PTPRG: variants seen among roughly 807,000 people sequenced by gnomAD.
PTPRG encodes protein tyrosine phosphatase receptor type G, also known as receptor-type tyrosine-protein phosphatase gamma.
PTPRG carries 102 observed loss-of-function variants against 165.3 expected under a neutral mutation model. The observed-to-expected ratio is 0.62, with a 90% CI of 0.53 to 0.73. PTPRG has a LOEUF of 0.73. Among genes scored for constraint, PTPRG ranks in the 30% least tolerant of loss-of-function variants. PTPRG has a pLI of 0.00. For synonymous variants in PTPRG, 675 were observed against 669.5 expected (o/e 1.01, Z -0.13); for missense variants, 1,866 against 1,861.4 (o/e 1.00, Z -0.05).
At chr3:61,883,141 C>G (rs1434857030) in intron 2 of PTPRG, among the ~76,000 whole-genome samples, 1 of 152,194 alleles carries the variant, frequency 6.6e-6, no homozygotes, top group African/African-American at 2.4e-5. Flanking sequence ...TCCTTGGGGA[C>G]TTTTTCCTTT....
In PTPRG at chr3:62,237,829, A is replaced by G. The variant is rs115955606; in HGVS notation, c.2376-5978A>G. Among the ~76,000 whole-genome samples, 2 of 152,190 alleles carry G rather than the reference A, an allele frequency of 1.3e-5. No individual in the cohort carries two copies. The highest frequency in any genetic ancestry group is 1.3e-4 in the Admixed American group (2 of 15,278). On this transcript the variant is annotated intron_variant, in intron 14 of 29. Coordinates refer to ENST00000474889, the MANE Select transcript of PTPRG (RefSeq NM_002841.4). The surrounding 1 kb of genome is among the most constrained non-coding windows in gnomAD (Gnocchi z 4.5). ...TGAGACCCAGAAAACTGCTAACCAG[A>G]TGCCATACAGATTTGATCAGCTACT...
chr3:61,940,856 G>A (rs1377686491), intron 2 of PTPRG, among the ~76,000 whole-genome samples: 1 of 151,920 alleles, frequency 6.6e-6, no homozygotes, highest in Non-Finnish European at 1.5e-5. Flanking sequence ...AGTAGAGATG[G>A]GGTTTCACCG....
intron 13 of PTPRG, among the ~76,000 whole-genome samples, chr3:62,226,576 A>G (rs1013164931): frequency 6.6e-6 from 1 of 152,236 alleles, no homozygotes; most frequent in Non-Finnish European, 1.5e-5. Context: ...CTTATTGACC[A>G]TAATTCTAGC....
chr3:62,093,554 A>T (rs896800805), intron 5 of PTPRG, among the ~76,000 whole-genome samples: 1 of 152,204 alleles, frequency 6.6e-6, no homozygotes, highest in Non-Finnish European at 1.5e-5. Context: ...TTTGCTCATA[A>T]GGTGGATTGG....
chr3:61,747,782 T>G (rs1413961278), intron 1 of PTPRG, among the ~76,000 whole-genome samples: 1 of 152,152 alleles, frequency 6.6e-6, no homozygotes, highest in Non-Finnish European at 1.5e-5. Context: ...TTCCCAAAAC[T>G]TTCTTAAATT....
rs553944181 is a variant in PTPRG, at chr3:62,217,423, C to T, written c.2156-1428C>T. The stretch of plus-strand genomic sequence containing the variant: ...CATCGTAACACACTTCTTCCTGACT[C>T]GGGAGTCTTGCCTCTTTAAAAATCT... On this transcript the variant is annotated intron_variant, in intron 12 of 29. Transcript: ENST00000474889. This position sits in a 1 kb window ranked among gnomAD's most constrained non-coding sequence, Gnocchi z 4.3. Among the ~76,000 whole-genome samples, 2 of 152,290 alleles carry T rather than the reference C, an allele frequency of 1.3e-5. No individual in the cohort carries two copies. Among genetic ancestry groups the T allele is most frequent in the African/African-American group, 4.8e-5 (2 of 41,562 alleles).
intron 1 of PTPRG, chr3:61,743,009 A>C (rs1294961743): frequency 5.8e-6 from 9 of 1,558,858 alleles, no homozygotes; most frequent in African/African-American, 1.4e-5. Flanking sequence ...CTGATCTGCA[A>C]CTCCACCGTC....
chr3:62,002,643 C>T (rs147738387), intron 3 of PTPRG, among the ~76,000 whole-genome samples: 47 of 152,216 alleles, frequency 3.1e-4, no homozygotes, highest in Non-Finnish European at 4.4e-4. Context: ...CCCTATGTTG[C>T]GGATGCTTTC....
chr3:61,820,375 G>T (rs528571017), intron 2 of PTPRG, among the ~76,000 whole-genome samples: 30 of 152,162 alleles, frequency 2.0e-4, no homozygotes, highest in African/African-American at 7.0e-4. Flanking sequence ...GCCCTGAATG[G>T]GTACCTACCC....
At chr3:61,828,098 G>A (rs565595010) in intron 2 of PTPRG, among the ~76,000 whole-genome samples, 12 of 152,096 alleles carry the variant, frequency 7.9e-5, no homozygotes, top group East Asian at 1.9e-4. Flanking sequence ...GAGTCATTGC[G>A]ATATTTCTCT....
chr3:61,948,088 G>A (rs778411250), intron 2 of PTPRG, among the ~76,000 whole-genome samples: 8 of 152,176 alleles, frequency 5.3e-5, no homozygotes, highest in Non-Finnish European at 8.8e-5. Context: ...ACTTTGGGAG[G>A]TGGAGGCGGG....
intron 5 of PTPRG, among the ~76,000 whole-genome samples, chr3:62,098,403 A>G (rs1044099702): frequency 6.6e-6 from 1 of 152,220 alleles, no homozygotes. Flanking sequence ...TGGAAATACT[A>G]CACCATTTTA....
intron 2 of PTPRG, among the ~76,000 whole-genome samples, chr3:61,903,434 C>T (rs1285217742): frequency 3.3e-5 from 5 of 152,130 alleles, no homozygotes; most frequent in Non-Finnish European, 7.3e-5. Context: ...AGTGCAGTGG[C>T]ACAATCTCGG....
intron 2 of PTPRG, among the ~76,000 whole-genome samples, chr3:61,854,530 A>G (rs2037049002): frequency 6.6e-6 from 1 of 152,232 alleles, no homozygotes; most frequent in South Asian, 2.1e-4. Context: ...GTACACATAC[A>G]TATTCATGGA....
intron 1 of PTPRG, 56 bp downstream of exon 1, chr3:61,562,428 G>T (rs1416017275): frequency 1.5e-5 from 23 of 1,565,926 alleles, no homozygotes; most frequent in Non-Finnish European, 2.0e-5. Context: ...TGGGGATGCG[G>T]AGTTGTCGCC....
chr3:61,887,123 CATATATATATATATAT>C lies in PTPRG; in HGVS notation c.191-102469_191-102454del, dbSNP rs148352398. Among the ~76,000 whole-genome samples the C allele has an allele frequency of 8.5e-4, 73 of 85,946 alleles. 1 individual carries two copies. Among genetic ancestry groups the C allele is most frequent in the East Asian group, 5.2e-3 (6 of 1,158 alleles). 56.4% of individuals were successfully genotyped at this position (85,946 alleles called of 152,430 possible). A position where few individuals can be genotyped will look rare whatever the true frequency, so the allele number is the denominator to read the frequency against. On this transcript the variant is annotated intron_variant, in intron 2 of 29. Coordinates refer to ENST00000474889, the MANE Select transcript of PTPRG (RefSeq NM_002841.4). ...ATTTTTAAAGTATAACCATAGCATG[CATATATATATATATAT>C]ATATATATATATATATATATATATA...
chr3:61,683,493 A>G (rs1006315070), intron 1 of PTPRG, among the ~76,000 whole-genome samples: 1 of 152,232 alleles, frequency 6.6e-6, no homozygotes, highest in South Asian at 2.1e-4. Context: ...CAAGCAGCCA[A>G]ATCCCTCTCT....
At chr3:61,815,264 G>T (rs1053448633) in intron 2 of PTPRG, among the ~76,000 whole-genome samples, 30 of 149,342 alleles carry the variant, frequency 2.0e-4, no homozygotes, top group African/African-American at 7.4e-4. Context: ...AAAAAAATCA[G>T]TTGGGCATGG....
intron 8 of PTPRG, among the ~76,000 whole-genome samples, chr3:62,175,906 G>C (rs990388765): frequency 1.3e-5 from 2 of 152,168 alleles, no homozygotes; most frequent in African/African-American, 4.8e-5. Context: ...GGTAAACAAA[G>C]GGGGAAGCAA....
Sources: allele counts gnomAD v4.1 joint callset (sites outside exome capture counted in the v4.1 genomes callset), GRCh38; gene constraint gnomAD v4.1.1; non-coding constraint Gnocchi (gnomAD v3.1); transcripts MANE v1.5; gene names NCBI Gene and HGNC (gene_info 2026-07-23, HGNC 2026-07-21).